CRKL: variants seen among roughly 807,000 people sequenced by gnomAD.
CRKL encodes CRK like proto-oncogene, adaptor protein.
In CRKL, 3 loss-of-function variants were observed where a neutral mutation model predicts 23.0. The ratio of observed to expected loss-of-function variants is 0.13; its 90% CI spans 0.06 to 0.34. The LOEUF is 0.34. Ranked by LOEUF, CRKL falls within the 10% of genes least tolerant of loss-of-function variation. The pLI is 1.00. For missense variants in CRKL, 256 were observed against 394.5 expected (o/e 0.65, Z 2.97); for synonymous variants, 188 against 160.7 (o/e 1.17, Z -1.28).
chr22:20,918,105 G>A lies in CRKL; in HGVS notation c.171G>A (p.Arg57=), dbSNP rs767808249. ...DYVLSVSENS[R]VSHYIINSLP... is the part of the protein sequence containing the mutation. ...TGCTGTCGGTGTCCGAGAACTCGCG[G>A]GTCTCCCACTACATCATCAACTCGC... Residue 57 remains arginine, a synonymous_variant, in exon 1 of 3, where the codon CGG becomes CGA. Coordinates refer to ENST00000354336, the MANE Select transcript of CRKL (RefSeq NM_005207.4). 4.3e-5 allele frequency: 69 copies of A among 1,614,044 alleles called. No individual in the cohort carries two copies. Among genetic ancestry groups the A allele is most frequent in the African/African-American group, 5.3e-5 (4 of 74,904 alleles).
chr22:20,926,881 GC>G (rs1435104709), intron 1 of CRKL, among the ~76,000 whole-genome samples: 7 of 151,916 alleles, frequency 4.6e-5, no homozygotes, highest in Non-Finnish European at 1.0e-4. Context: ...GGAGGCGGAG[GC>G]AGGTGGATTG....
At chr22:20,942,726 T>C (rs1921924578) in intron 2 of CRKL, among the ~76,000 whole-genome samples, 2 of 152,008 alleles carry the variant, frequency 1.3e-5, no homozygotes, top group Non-Finnish European at 2.9e-5. Flanking sequence ...GTTCAAGCGA[T>C]TTCTCCTGCC....
intron 2 of CRKL, among the ~76,000 whole-genome samples, chr22:20,937,240 T>A (rs1921698813): frequency 6.6e-6 from 1 of 152,160 alleles, no homozygotes. Flanking sequence ...ACCTTGGTGC[T>A]CTGGGCTGTT....
rs539827353 is a variant in CRKL, at chr22:20,931,534, C to T, written c.312-2245C>T. 7.9e-5 allele frequency among the ~76,000 whole-genome samples: 12 copies of T among 152,288 alleles called. No homozygotes were observed. The East Asian group carries it at 2.1e-3, about 27-fold the overall frequency. On this transcript the variant is annotated intron_variant, in intron 1 of 2. Coordinates refer to ENST00000354336, the MANE Select transcript of CRKL (RefSeq NM_005207.4). ...CCTCACATGCATTATGCCATTAATT[C>T]TCATACACCTGACAGATGCAGGGTT...
chr22:20,943,524 G>A (rs752157555), intron 2 of CRKL, among the ~76,000 whole-genome samples: 4 of 152,170 alleles, frequency 2.6e-5, no homozygotes, highest in African/African-American at 7.2e-5. Flanking sequence ...ACAGGCGTGC[G>A]CCACCATGCC....
chr22:20,927,571 C>T (rs1290279999), intron 1 of CRKL, among the ~76,000 whole-genome samples: 3 of 146,874 alleles, frequency 2.0e-5, no homozygotes, highest in African/African-American at 5.0e-5. Flanking sequence ...GTAAGGGTGC[C>T]GTGGCTCACG....
In CRKL at chr22:20,933,828, G is replaced by A. The variant is rs1301110218; in HGVS notation, c.361G>A (p.Ala121Thr). 5 of 1,614,148 alleles carry A rather than the reference G, an allele frequency of 3.1e-6. No individual in the cohort carries two copies. Among genetic ancestry groups the A allele is most frequent in the Middle Eastern group, 1.7e-4 (1 of 6,060 alleles). The change falls in exon 2 of 3, where the codon GCA becomes ACA. Residue 121 changes from alanine to threonine, a missense_variant. Ala to Thr is a moderately conservative substitution (Grantham distance 58, BLOSUM62 0). This residue lies in a region of CRKL where 42 missense variants were observed against 32.7 expected (regional missense o/e 1.29). Coordinates refer to ENST00000354336, the MANE Select transcript of CRKL (RefSeq NM_005207.4). ...TGTCTCAGCACCCAACCTGCCTACA[G>A]CAGAAGATAACCTGGAATATGTACG... ...GSVSAPNLPT[A>T]EDNLEYVRTL... is the part of the protein sequence containing the mutation.
Position 20,917,821 on chromosome 22 carries a change from C to A in CRKL, c.-114C>A. 9.7e-7 allele frequency: 1 copy of A among 1,026,150 alleles called. No homozygotes were observed. Among genetic ancestry groups the A allele is most frequent in the Non-Finnish European group, 1.4e-6 (1 of 715,060 alleles). 63.6% of individuals were successfully genotyped at this position (1,026,150 alleles called of 1,614,324 possible). A position where few individuals can be genotyped will look rare whatever the true frequency, so the allele number is the denominator to read the frequency against. On this transcript the variant is annotated 5_prime_UTR_variant, in exon 1 of 3. Coordinates refer to ENST00000354336, the MANE Select transcript of CRKL (RefSeq NM_005207.4). ...CTGGCCCAGCCCTCTGAGCGCTCCT[C>A]GAGGTGTGCGAGAGGCCCTTCCTCG...
chr22:20,932,322 C>G (rs1461964182), intron 1 of CRKL, among the ~76,000 whole-genome samples: 1 of 152,054 alleles, frequency 6.6e-6, no homozygotes, highest in Non-Finnish European at 1.5e-5. Context: ...GTTGGACAGG[C>G]AGGTCTCCAA....
Position 20,943,293 on chromosome 22 carries a change from T to C in CRKL, c.778-6418T>C, listed in dbSNP as rs773168231. 3.5e-4 allele frequency among the ~76,000 whole-genome samples: 53 copies of C among 152,220 alleles called. 2 individuals are homozygous for C. Among genetic ancestry groups the C allele is most frequent in the Non-Finnish European group, 5.9e-4 (40 of 67,992 alleles). ...CTCTGTCGCCCTGGCTGGAGTACAA[T>C]GGCACTCACGATCTCGACTCACTGC... On this transcript the variant is annotated intron_variant, in intron 2 of 2. Coordinates refer to ENST00000354336, the MANE Select transcript of CRKL (RefSeq NM_005207.4).
intron 2 of CRKL, among the ~76,000 whole-genome samples, chr22:20,941,615 G>C (rs1194932804): frequency 8.4e-5 from 3 of 35,690 alleles, no homozygotes; most frequent in Non-Finnish European, 1.4e-4. Flanking sequence ...TTTTTTTTGA[G>C]ATAGAGTCTT....
chr22:20,928,099 G>A (rs1482057631), intron 1 of CRKL, among the ~76,000 whole-genome samples: 1 of 151,964 alleles, frequency 6.6e-6, no homozygotes, highest in Non-Finnish European at 1.5e-5. Flanking sequence ...AGAGGTTTTG[G>A]TGAGCTGAGA....
chr22:20,939,822 CTT>C (rs1921802400), intron 2 of CRKL, among the ~76,000 whole-genome samples: 1 of 141,488 alleles, frequency 7.1e-6, no homozygotes, highest in Non-Finnish European at 1.5e-5. Flanking sequence ...AAGTCTCGCT[CTT>C]GTCGCCCAGG....
At chr22:20,921,866 G>A (rs1921004181) in intron 1 of CRKL, among the ~76,000 whole-genome samples, 1 of 151,058 alleles carries the variant, frequency 6.6e-6, no homozygotes, top group East Asian at 1.9e-4. Flanking sequence ...CTGCAACCAT[G>A]CCGGGCAAAT....
At chr22:20,926,807 A>T (rs1165822133) in intron 1 of CRKL, among the ~76,000 whole-genome samples, 1 of 152,102 alleles carries the variant, frequency 6.6e-6, no homozygotes, top group Non-Finnish European at 1.5e-5. Flanking sequence ...AATGCTGGTC[A>T]GTGATAAAGA....
At chr22:20,945,057 G>C (rs1398516749) in intron 2 of CRKL, among the ~76,000 whole-genome samples, 2 of 151,230 alleles carry the variant, frequency 1.3e-5, no homozygotes, top group African/African-American at 4.9e-5. Flanking sequence ...GCAGTGGTGT[G>C]ATCTTGGCTC....
intron 2 of CRKL, among the ~76,000 whole-genome samples, chr22:20,939,004 G>T (rs961500397): frequency 6.6e-6 from 1 of 152,110 alleles, no homozygotes. Flanking sequence ...CAAGCAGAAA[G>T]GTTGTATTGA....
At chr22:20,931,788 G>A (rs1485294357) in intron 1 of CRKL, among the ~76,000 whole-genome samples, 1 of 152,046 alleles carries the variant, frequency 6.6e-6, no homozygotes, top group Non-Finnish European at 1.5e-5. Context: ...ACTCTTGCTA[G>A]CTATTTATTT....
At chr22:20,947,237 C>G (rs1201269656) in intron 2 of CRKL, among the ~76,000 whole-genome samples, 1 of 143,320 alleles carries the variant, frequency 7.0e-6, no homozygotes, top group Non-Finnish European at 1.5e-5. Context: ...TTCTGTCTCT[C>G]TCTCTTTTTT....
Sources: gnomAD v4.1 joint callset for allele counts (sites outside exome capture counted in the v4.1 genomes callset) on GRCh38, gnomAD v4.1.1 for gene constraint, gnomAD v4.1.1 regional missense constraint, MANE v1.5 for transcripts, NCBI Gene and HGNC (gene_info 2026-07-23, HGNC 2026-07-21) for gene names.